Variants in MRC1 observed in about 807,000 individuals in gnomAD.
MRC1 encodes mannose receptor C-type 1.
MRC1 carries 62 observed loss-of-function variants against 102.9 expected under a neutral mutation model. The ratio of observed to expected loss-of-function variants is 0.60; its 90% CI spans 0.49 to 0.74. The LOEUF is 0.74. Among genes scored for constraint, MRC1 ranks in the 30% least tolerant of loss-of-function variants. MRC1 has a pLI of 0.00. For missense variants in MRC1, 1,237 were observed against 862.8 expected, an observed-to-expected ratio of 1.43 and a Z score of -5.43; for synonymous variants, 457 against 298.4, an observed-to-expected ratio of 1.53 and a Z score of -5.48.
At chr10:17,852,429 C>G (rs1217253324) in intron 7 of MRC1, among the ~76,000 whole-genome samples, 2 of 151,978 alleles carry the variant, frequency 1.3e-5, no homozygotes, top group Non-Finnish European at 2.9e-5. Context: ...ATTTTCACTC[C>G]CAGTACAGTG....
At chr10:17,874,552 A>T (rs968916898) in intron 16 of MRC1, among the ~76,000 whole-genome samples, 1 of 152,184 alleles carries the variant, frequency 6.6e-6, no homozygotes, top group Non-Finnish European at 1.5e-5. Flanking sequence ...TAGGAACTAG[A>T]TACCTTTGGG....
intron 18 of MRC1, among the ~76,000 whole-genome samples, chr10:17,878,676 T>G (rs973371563): frequency 2.0e-5 from 3 of 152,040 alleles, no homozygotes; most frequent in African/African-American, 7.2e-5. Flanking sequence ...TTTATTATTA[T>G]TATTTGAGAA....
chr10:17,821,804 C>T (rs1271714063), intron 1 of MRC1, among the ~76,000 whole-genome samples: 4 of 152,182 alleles, frequency 2.6e-5, no homozygotes, highest in East Asian at 1.9e-4. Context: ...TGTTTGATTT[C>T]GCTGGAATTA....
chr10:17,902,641 T>G (rs1589196741), intron 26 of MRC1, among the ~76,000 whole-genome samples: 1 of 152,344 alleles, frequency 6.6e-6, no homozygotes, highest in Non-Finnish European at 1.5e-5. Context: ...TCCCGTTAAA[T>G]ATTTTACTGA....
intron 6 of MRC1, among the ~76,000 whole-genome samples, chr10:17,849,207 C>A (rs951711263): frequency 6.6e-6 from 1 of 150,676 alleles, no homozygotes; most frequent in African/African-American, 2.4e-5. Flanking sequence ...GAGGCTGAGG[C>A]AGGAGGACTG....
intron 18 of MRC1, among the ~76,000 whole-genome samples, chr10:17,878,748 G>A (rs1247467794): frequency 1.3e-5 from 2 of 151,820 alleles, no homozygotes; most frequent in African/African-American, 2.4e-5. Context: ...CTACAGCCTC[G>A]AAATCCTGGG....
chr10:17,825,260 A>T (rs1838456146), intron 2 of MRC1, among the ~76,000 whole-genome samples: 1 of 152,078 alleles, frequency 6.6e-6, no homozygotes, highest in African/African-American at 2.4e-5. Flanking sequence ...TGAAAATAGG[A>T]ATTATTTTAG....
chr10:17,907,154 A>T (rs2130725254), intron 27 of MRC1, among the ~76,000 whole-genome samples, 155 bp downstream of exon 27: 1 of 152,390 alleles, frequency 6.6e-6, no homozygotes, highest in East Asian at 1.9e-4. Flanking sequence ...CTGAAATTTA[A>T]AATGAGTTTC....
At chr10:17,871,836 A>G in intron 14 of MRC1, 146 bp from the exon 15 acceptor site, 1 of 684,424 alleles carries the variant, frequency 1.5e-6, no homozygotes, top group Non-Finnish European at 2.7e-6. Flanking sequence ...ACGTTTGTGA[A>G]CTGTGCTTTC....
intron 22 of MRC1, among the ~76,000 whole-genome samples, chr10:17,893,128 A>G (rs1589194012): frequency 1.3e-5 from 2 of 151,756 alleles, no homozygotes; most frequent in Non-Finnish European, 2.9e-5. Flanking sequence ...GGCTTCCCTC[A>G]GCCCTTCCTT....
intron 1 of MRC1, among the ~76,000 whole-genome samples, chr10:17,821,651 C>T (rs981052421): frequency 1.3e-5 from 2 of 152,126 alleles, no homozygotes; most frequent in East Asian, 3.9e-4. Context: ...TTATTATAAG[C>T]TTTAAGCTTA....
At chr10:17,907,346 C>A (rs1833909209) in intron 27 of MRC1, among the ~76,000 whole-genome samples, 188 bp from the exon 28 acceptor site, 1 of 152,122 alleles carries the variant, frequency 6.6e-6, no homozygotes, top group South Asian at 2.1e-4. Context: ...ATACGGTAAA[C>A]CTATTCTTTT....
intron 12 of MRC1, among the ~76,000 whole-genome samples, chr10:17,868,100 G>A (rs1157924676): frequency 6.6e-6 from 1 of 152,112 alleles, no homozygotes; most frequent in Non-Finnish European, 1.5e-5. Flanking sequence ...AAACCCCAAT[G>A]AATTAAGGAT....
intron 23 of MRC1, among the ~76,000 whole-genome samples, chr10:17,894,562 G>T (rs1344310602): frequency 6.6e-6 from 1 of 151,682 alleles, no homozygotes; most frequent in Non-Finnish European, 1.5e-5. Flanking sequence ...ACCACGCCTG[G>T]CTAATTTTTG....
intron 4 of MRC1, among the ~76,000 whole-genome samples, chr10:17,837,259 T>C (rs1838680782): frequency 6.6e-6 from 1 of 152,222 alleles, no homozygotes; most frequent in Non-Finnish European, 1.5e-5. Flanking sequence ...AAATTTTCAC[T>C]GGCATCTGGA....
At chr10:17,909,388 C>G in intron 29 of MRC1, 41 bp downstream of exon 29, 1 of 838,848 alleles carries the variant, frequency 1.2e-6, no homozygotes, top group Middle Eastern at 2.2e-4. Context: ...GTTAGTAATA[C>G]ATCCGTACTG....
At chr10:17,884,391 T>C (rs1589191212) in intron 21 of MRC1, among the ~76,000 whole-genome samples, 1 of 152,214 alleles carries the variant, frequency 6.6e-6, no homozygotes, top group African/African-American at 2.4e-5. Context: ...GGGAAACTTT[T>C]GGTTTGGCAA....
At chr10:17,833,543 AAG>A (rs1208871429) in intron 3 of MRC1, 130 bp from the exon 4 acceptor site, 5 of 714,336 alleles carry the variant, frequency 7.0e-6, no homozygotes, top group Non-Finnish European at 1.3e-5. Flanking sequence ...AAAAAGTAGA[AAG>A]GGGGAAAAAA....
At chr10:17,870,513 T>C (rs1833338962) in intron 13 of MRC1, 140 bp downstream of exon 13, 2 of 732,168 alleles carry the variant, frequency 2.7e-6, no homozygotes, top group African/African-American at 3.5e-5. Context: ...CTGTGGGCCC[T>C]GTTTGATCTA....
Sources: gnomAD v4.1 joint callset for allele counts (sites outside exome capture counted in the v4.1 genomes callset) on GRCh38, gnomAD v4.1.1 for gene constraint, MANE v1.5 for transcripts, NCBI Gene and HGNC (gene_info 2026-07-23, HGNC 2026-07-21) for gene names.